The following GLIS3 variants were observed in gnomAD, a reference collection of about 807,000 sequenced individuals.
The protein encoded by GLIS3 is zinc finger protein GLIS3.
In GLIS3, 53 loss-of-function variants were observed where a neutral mutation model predicts 78.6. That is an observed-to-expected ratio of 0.67 (90% CI 0.54 to 0.85). The LOEUF is 0.85. Among genes scored for constraint, GLIS3 ranks in the 40% least tolerant of loss-of-function variants. The pLI is 0.00. For synonymous variants in GLIS3, 684 were observed against 509.9 expected (o/e 1.34, Z -4.60); for missense variants, 1,703 against 1,231.1 (o/e 1.38, Z -5.74).
chr9:4,311,821 T>A (rs960197294), intron 2 of GLIS3, among the ~76,000 whole-genome samples: 2 of 152,198 alleles, frequency 1.3e-5, no homozygotes, highest in African/African-American at 4.8e-5. Flanking sequence ...TGACAGGAAT[T>A]CAGTTAGATG....
At chr9:4,235,267 C>G (rs1402024609) in intron 2 of GLIS3, among the ~76,000 whole-genome samples, 1 of 137,324 alleles carries the variant, frequency 7.3e-6, no homozygotes, top group Non-Finnish European at 1.5e-5. Context: ...CTACTGCACT[C>G]CAGGCTGGGC....
intron 2 of GLIS3, among the ~76,000 whole-genome samples, chr9:4,181,764 G>A (rs999211660): frequency 6.6e-6 from 1 of 152,210 alleles, no homozygotes; most frequent in Non-Finnish European, 1.5e-5. Context: ...TATTGCTGCT[G>A]GGAGTCCTGT....
At position 4,323,295 on chromosome 9, in the gene GLIS3, A is replaced by G. The variant is rs114677210; in HGVS notation, n.265-12767T>C. On this transcript the variant is annotated intron_variant and non_coding_transcript_variant, in intron 2 of 4. Coordinates refer to the GLIS3 transcript ENST00000471664. ...GGTGATTTGCCTGCCTTGGCCTCCCAAAGTGCTGTTTTATCACATATATTT... is the reference window on the plus strand; with the variant it reads ...GGTGATTTGCCTGCCTTGGCCTCCCGAAGTGCTGTTTTATCACATATATTT... Among the ~76,000 whole-genome samples, 1,302 of 152,282 alleles carry G rather than the reference A, an allele frequency of 8.5e-3. 22 individuals carry two copies. The highest frequency in any genetic ancestry group is 0.029 in the African/African-American group (1,186 of 41,554).
At chr9:4,265,089 G>A (rs574525839) in intron 2 of GLIS3, among the ~76,000 whole-genome samples, 12 of 150,524 alleles carry the variant, frequency 8.0e-5, no homozygotes, top group South Asian at 2.1e-4. Context: ...GGAGAATGGC[G>A]TGAACCTGGG....
chr9:4,025,054 A>G (rs1823213198), intron 4 of GLIS3, among the ~76,000 whole-genome samples: 1 of 151,158 alleles, frequency 6.6e-6, no homozygotes. Flanking sequence ...GTTCGAGACC[A>G]GCCTGGTCAA....
intron 9 of GLIS3, among the ~76,000 whole-genome samples, chr9:3,852,573 T>C (rs1819501761): frequency 6.6e-6 from 1 of 152,216 alleles, no homozygotes; most frequent in Non-Finnish European, 1.5e-5. Flanking sequence ...CAGCATTGTA[T>C]TGCCCACTTG....
chr9:4,194,154 T>C (rs913750664), intron 2 of GLIS3, among the ~76,000 whole-genome samples: 3 of 151,998 alleles, frequency 2.0e-5, no homozygotes, highest in Non-Finnish European at 2.9e-5. Context: ...ACCTCCTGGG[T>C]TCAAGCAACT....
intron 2 of GLIS3, among the ~76,000 whole-genome samples, chr9:4,280,512 A>G (rs897219162): frequency 1.3e-5 from 2 of 152,154 alleles, no homozygotes; most frequent in African/African-American, 2.4e-5. Flanking sequence ...GCAAAATGCA[A>G]AAAAAAGTTA....
chr9:4,160,336 G>C (rs1835376473), intron 2 of GLIS3, among the ~76,000 whole-genome samples: 1 of 152,216 alleles, frequency 6.6e-6, no homozygotes, highest in Admixed American at 6.5e-5. Flanking sequence ...TGCCAAGTGT[G>C]ACTGCACTGG....
intron 9 of GLIS3, among the ~76,000 whole-genome samples, chr9:3,844,118 T>G (rs145139570): frequency 6.6e-6 from 1 of 152,284 alleles, no homozygotes; most frequent in African/African-American, 2.4e-5. Context: ...GTTGCTGAGC[T>G]CAGAGGCTGT....
chr9:4,245,317 T>C (rs752032039), intron 2 of GLIS3, among the ~76,000 whole-genome samples: 15 of 152,178 alleles, frequency 9.9e-5, no homozygotes, highest in Non-Finnish European at 1.6e-4. Flanking sequence ...CGGGATCAAG[T>C]GTTTTACAAA....
intron 2 of GLIS3, among the ~76,000 whole-genome samples, chr9:4,334,683 C>T (rs2130572390): frequency 6.6e-6 from 1 of 152,022 alleles, no homozygotes; most frequent in South Asian, 2.1e-4. Context: ...CCTGTCTTCT[C>T]CTTATACTCC....
At chr9:4,235,402 C>A (rs184659327) in intron 2 of GLIS3, among the ~76,000 whole-genome samples, 2 of 152,056 alleles carry the variant, frequency 1.3e-5, no homozygotes, top group African/African-American at 4.8e-5. Flanking sequence ...CATGTGCCAC[C>A]GCTTAAGACT....
At chr9:4,238,524 T>C (rs1248954699) in intron 2 of GLIS3, among the ~76,000 whole-genome samples, 1 of 152,204 alleles carries the variant, frequency 6.6e-6, no homozygotes, top group Admixed American at 6.5e-5. Context: ...CTTACAGTGC[T>C]AAAACCACCG....
In GLIS3 at chr9:4,292,669, T is replaced by G. The variant is rs1229648956; in HGVS notation, c.-98-6146A>C. Among the ~76,000 whole-genome samples the G allele has an allele frequency of 2.6e-5, 4 of 152,198 alleles. No homozygotes were observed. The East Asian group carries it at 5.8e-4, about 22-fold the overall frequency. ...GTAAGTATCAATTGATCAATTGTGC[T>G]CAATAAGTAATAACTGATCAACCAA... On this transcript the variant is annotated intron_variant, in intron 1 of 10. Coordinates refer to ENST00000381971, the MANE Select transcript of GLIS3 (RefSeq NM_001042413.2).
intron 4 of GLIS3, chr9:4,034,729 A>T (rs1824163008): frequency 6.6e-6 from 1 of 152,174 alleles, no homozygotes; most frequent in Non-Finnish European, 1.5e-5. Context: ...TGCCCTCAGG[A>T]GCCCTTTAAC....
chr9:3,896,670 T>TAATTAAAAAAAAAAAAAAA (rs756694471), intron 7 of GLIS3, among the ~76,000 whole-genome samples: 91 of 50,004 alleles, frequency 1.8e-3, no homozygotes, highest in African/African-American at 4.9e-3. Flanking sequence ...CCATCTCAAT[T>TAATTAAAAAAAAAAAAAAA]AAAAAAAAAA....
chr9:4,446,290 G>T, the GLIS3 span, among the ~76,000 whole-genome samples: 2 of 152,150 alleles, frequency 1.3e-5, no homozygotes, highest in African/African-American at 4.8e-5. Context: ...GGGTACCCTT[G>T]ACTGCTTCCA....
At chr9:4,359,461 T>C in the GLIS3 span, among the ~76,000 whole-genome samples, 3 of 152,164 alleles carry the variant, frequency 2.0e-5, no homozygotes. Flanking sequence ...TCCTACAATC[T>C]TTCAGCTGAC....
Sources: gnomAD v4.1 joint callset for allele counts (sites outside exome capture counted in the v4.1 genomes callset) on GRCh38, gnomAD v4.1.1 for gene constraint, MANE v1.5 for transcripts, NCBI Gene and HGNC (gene_info 2026-07-23, HGNC 2026-07-21) for gene names.